Variants in PCDH11Y observed in about 807,000 individuals in gnomAD.
The protein encoded by PCDH11Y is protocadherin-11 Y-linked.
For missense variants in PCDH11Y, 12 were observed against 224.8 expected (o/e 0.05, Z 6.05); for synonymous variants, 9 against 83.6 (o/e 0.11, Z 4.87).
At chrY:5,359,805 G>A (rs2053172760) in intron 2 of PCDH11Y, among the ~76,000 whole-genome samples, 1 of 32,969 alleles carries the variant, frequency 3.0e-5, no homozygotes, top group South Asian at 6.8e-4. Context: ...CATGTTATTC[G>A]TCTTCTCTGA....
At chrY:5,305,155 G>C in intron 2 of PCDH11Y, among the ~76,000 whole-genome samples, 1 of 33,200 alleles carries the variant, frequency 3.0e-5, no homozygotes, top group Admixed American at 2.7e-4. Flanking sequence ...TATAGAAGAG[G>C]ATTTAACTTG....
chrY:5,169,972 T>A, intron 2 of PCDH11Y, among the ~76,000 whole-genome samples: 1 of 31,330 alleles, frequency 3.2e-5, no homozygotes, highest in Admixed American at 3.0e-4. Flanking sequence ...TTAAAATATA[T>A]ATCATACTTG....
intron 2 of PCDH11Y, among the ~76,000 whole-genome samples, chrY:5,239,671 A>T (rs2124655326): frequency 2.9e-5 from 1 of 34,223 alleles, no homozygotes; most frequent in Admixed American, 2.7e-4. Flanking sequence ...AAAATATTTT[A>T]TTGCTAAAAA....
chrY:5,419,791 C>A (rs2573989), intron 2 of PCDH11Y, among the ~76,000 whole-genome samples: 1 of 32,581 alleles, frequency 3.1e-5, no homozygotes, highest in South Asian at 7.1e-4. Context: ...AAGACACCAG[C>A]CCTATCAAAT....
intron 2 of PCDH11Y, among the ~76,000 whole-genome samples, chrY:5,176,990 A>G (rs2052894276): frequency 3.1e-5 from 1 of 32,187 alleles, no homozygotes; most frequent in South Asian, 7.0e-4. Flanking sequence ...GTTTGAGGTA[A>G]GTTGAACAAA....
At chrY:5,627,397 T>C (rs2053508168) in intron 4 of PCDH11Y, among the ~76,000 whole-genome samples, 2 of 23,322 alleles carry the variant, frequency 8.6e-5, no homozygotes, top group African/African-American at 3.5e-4. Context: ...TACTTTGTTT[T>C]TTTTTGGTTT....
chrY:5,073,576 A>G, intron 1 of PCDH11Y, among the ~76,000 whole-genome samples: 1 of 26,356 alleles, frequency 3.8e-5, no homozygotes, highest in Non-Finnish European at 8.8e-5. Flanking sequence ...AGCTGGGCTT[A>G]CAGGCGCCCA....
intron 2 of PCDH11Y, among the ~76,000 whole-genome samples, chrY:5,172,903 C>A (rs1602879954): frequency 1.2e-4 from 4 of 32,206 alleles, no homozygotes; most frequent in African/African-American, 2.4e-4. Context: ...GATGAGATAA[C>A]CCTGAGAGAT....
chrY:5,326,405 G>A (rs1602904762), intron 2 of PCDH11Y, among the ~76,000 whole-genome samples: 3 of 32,318 alleles, frequency 9.3e-5, no homozygotes, highest in Non-Finnish European at 2.2e-4. Context: ...TGGAACACTG[G>A]GAAGTTATTT....
chrY:5,486,672 CATATAT>C (rs869150257), intron 2 of PCDH11Y, among the ~76,000 whole-genome samples: 2 of 3,066 alleles, frequency 6.5e-4, no homozygotes, highest in South Asian at 0.027. Context: ...TCATTCCATT[CATATAT>C]ATATATATAT....
chrY:5,427,053 C>A, intron 2 of PCDH11Y, among the ~76,000 whole-genome samples: 1 of 32,654 alleles, frequency 3.1e-5, no homozygotes, highest in African/African-American at 1.2e-4. Context: ...AAACTATGTA[C>A]CCTGAATGAG....
chrY:5,637,138 T>A, intron 4 of PCDH11Y, among the ~76,000 whole-genome samples: 1 of 33,767 alleles, frequency 3.0e-5, no homozygotes, highest in African/African-American at 1.2e-4. Flanking sequence ...AGTGCAATGA[T>A]AGCATTTTCA....
intron 4 of PCDH11Y, among the ~76,000 whole-genome samples, chrY:5,628,844 C>T: frequency 9.0e-5 from 3 of 33,156 alleles, no homozygotes; most frequent in African/African-American, 2.4e-4. Flanking sequence ...TGTGGGGAAA[C>T]GTGAGGATAA....
chrY:5,198,393 C>A (rs2052923373), intron 2 of PCDH11Y, among the ~76,000 whole-genome samples: 1 of 32,116 alleles, frequency 3.1e-5, no homozygotes, highest in African/African-American at 1.2e-4. Context: ...GGTGATCCAC[C>A]CGCCTTGGCC....
intron 3 of PCDH11Y, among the ~76,000 whole-genome samples, chrY:5,580,057 G>C: frequency 9.5e-5 from 3 of 31,646 alleles, no homozygotes; most frequent in African/African-American, 2.4e-4. Context: ...AGCCGAATAT[G>C]CTTATTGTTC....
At chrY:5,386,088 G>C in intron 2 of PCDH11Y, among the ~76,000 whole-genome samples, 2 of 33,309 alleles carry the variant, frequency 6.0e-5, no homozygotes, top group Non-Finnish European at 1.5e-4. Context: ...GTCTGAAAAA[G>C]ACTGTATCTT....
At chrY:5,048,811 A>G (rs2052646959) in intron 3 of PCDH11Y, among the ~76,000 whole-genome samples, 1 of 32,945 alleles carries the variant, frequency 3.0e-5, no homozygotes, top group African/African-American at 1.2e-4. Flanking sequence ...TGTCAGATGC[A>G]TAGTTAGCAA....
chrY:5,308,770 T>A, intron 2 of PCDH11Y, among the ~76,000 whole-genome samples: 1 of 33,443 alleles, frequency 3.0e-5, no homozygotes, highest in Non-Finnish European at 7.4e-5. Context: ...TTAGTAATAG[T>A]CTAGTTTTTG....
chrY:5,104,212 T>G, downstream of PCDH11Y: 1 of 305,214 alleles, frequency 3.3e-6, no homozygotes, highest in African/African-American at 7.2e-5. Context: ...TTCGCTATTG[T>G]AAAATTCAGT....
Sources: allele counts gnomAD v4.1 joint callset (sites outside exome capture counted in the v4.1 genomes callset), GRCh38; gene constraint gnomAD v4.1.1; transcripts MANE v1.5; gene names NCBI Gene and HGNC (gene_info 2026-07-23, HGNC 2026-07-21).